OAS1: variants seen among roughly 807,000 people sequenced by gnomAD.
OAS1 encodes the protein 2'-5'-oligoadenylate synthase 1.
Under a neutral mutation model 38.5 loss-of-function variants are expected in OAS1, and 24 were observed. That is an observed-to-expected ratio of 0.62 (90% CI 0.45 to 0.88). The LOEUF (loss-of-function observed/expected upper bound fraction) is 0.88. Ranked by LOEUF, OAS1 falls within the 40% of genes least tolerant of loss-of-function variation. OAS1 has a pLI of 0.00. For synonymous variants in OAS1, 169 were observed against 193.9 expected (o/e 0.87, Z 1.07); for missense variants, 482 against 493.9 (o/e 0.98, Z 0.23).
Position 112,917,604 on chromosome 12 carries a change from G to A in OAS1, c.942G>A (p.Lys314=). The A allele has an allele frequency of 2.5e-6, 4 of 1,614,194 alleles. No individual in the cohort carries two copies. Among genetic ancestry groups the A allele is most frequent in the Non-Finnish European group, 3.4e-6 (4 of 1,180,034 alleles). The change falls in exon 5 of 6, where the codon AAG becomes AAA. Residue 314 remains lysine (K), a synonymous_variant. Transcript: ENST00000202917. Reference sequence around the variant, plus strand: ...GAAACTTGGGTGGTGGAGACCCAAAGGGTTGGAGGCAGCTGGCACAAGAGG... The same window carrying A: ...GAAACTTGGGTGGTGGAGACCCAAAAGGTTGGAGGCAGCTGGCACAAGAGG... The part of the protein sequence containing the change: ...PTGNLGGGDP[K]GWRQLAQEAE...
intron 2 of OAS1, 25 bp from the exon 3 acceptor site, chr12:112,911,026 T>C: frequency 6.2e-7 from 1 of 1,604,564 alleles, no homozygotes; most frequent in Non-Finnish European, 8.5e-7. Flanking sequence ...AGCTGACACC[T>C]AAGTTGTAGA....
chr12:112,915,854 G>A (rs193023488), intron 3 of OAS1, among the ~76,000 whole-genome samples: 67 of 152,028 alleles, frequency 4.4e-4, no homozygotes, highest in African/African-American at 1.4e-3. Context: ...GTCTGTGTTC[G>A]GTCTTTCAGC....
intron 5 of OAS1, 54 bp from the exon 6 acceptor site, chr12:112,919,335 C>A: frequency 1.3e-6 from 2 of 1,500,620 alleles, no homozygotes; most frequent in South Asian, 1.2e-5. Context: ...CTCACTGAAT[C>A]CAGCTGCAAT....
chr12:112,918,572 G>A (rs898254282), intron 5 of OAS1: 1 of 441,466 alleles, frequency 2.3e-6, no homozygotes, highest in Non-Finnish European at 4.6e-6. Flanking sequence ...CATGAGGCAT[G>A]TTTTCTATCA....
chr12:112,911,620 G>T (rs1417472723), intron 3 of OAS1, among the ~76,000 whole-genome samples: 1 of 152,148 alleles, frequency 6.6e-6, no homozygotes, highest in Non-Finnish European at 1.5e-5. Context: ...GTTAAAACAA[G>T]AGTTTCAAAC....
At chr12:112,910,862 TG>T (rs1201228074) in intron 2 of OAS1, among the ~76,000 whole-genome samples, 188 bp from the exon 3 acceptor site, 1 of 152,004 alleles carries the variant, frequency 6.6e-6, no homozygotes, top group Non-Finnish European at 1.5e-5. Flanking sequence ...GTGACGGTGG[TG>T]GCTTGGATGG....
Position 112,911,085 on chromosome 12 carries a change from A to G in OAS1, c.504A>G (p.Gln168=). 1 of 1,613,952 alleles carries G rather than the reference A, an allele frequency of 6.2e-7. No homozygotes were observed. Among genetic ancestry groups the G allele is most frequent in the East Asian group, 2.2e-5 (1 of 44,864 alleles). Residue 168 remains glutamine, a synonymous_variant, in exon 3 of 6, where the codon CAA becomes CAG. Coordinates refer to ENST00000202917, the MANE Select transcript of OAS1 (RefSeq NM_016816.4). ...QLTGGYKPNP[Q]IYVKLIEECT... is the part of the protein sequence containing the mutation. ...CTGGCGGCTATAAACCTAACCCCCA[A>G]ATCTATGTCAAGCTCATCGAGGAGT...
At chr12:112,926,473 G>C (rs2043558523) in intron 6 of OAS1, among the ~76,000 whole-genome samples, 1 of 152,172 alleles carries the variant, frequency 6.6e-6, no homozygotes, top group Admixed American at 6.5e-5. Flanking sequence ...TTTTAAAGCT[G>C]GGTGTCCAGG....
intron 6 of OAS1, among the ~76,000 whole-genome samples, chr12:112,925,185 T>C (rs2043550904): frequency 6.6e-6 from 1 of 152,174 alleles, no homozygotes; most frequent in Non-Finnish European, 1.5e-5. Flanking sequence ...GGTTGATGGG[T>C]GAACTCTGCA....
rs188227759 is a variant in OAS1 at position 112,930,738 on chromosome 12, G to C, written c.1168-1140G>C. ...ACAGAATAAATCTGAACAAAATCAG[G>C]GTTCATTTTAATAGCAACAGGCTGC... On this transcript the variant is annotated intron_variant, in intron 6 of 6. Coordinates refer to the OAS1 transcript ENST00000540589. Among the ~76,000 whole-genome samples the C allele has an allele frequency of 1.1e-3, 167 of 152,332 alleles. 1 individual carries two copies. Among genetic ancestry groups the C allele is most frequent in the Non-Finnish European group, 1.9e-3 (129 of 68,034 alleles).
chr12:112,925,810 A>G (rs961612656), intron 6 of OAS1, among the ~76,000 whole-genome samples: 6 of 152,220 alleles, frequency 3.9e-5, no homozygotes, highest in African/African-American at 1.4e-4. Flanking sequence ...AAATAAATAC[A>G]TAAATAAATT....
downstream of OAS1, among the ~76,000 whole-genome samples, chr12:112,920,445 A>G (rs1206592049): frequency 2.0e-5 from 3 of 152,206 alleles, no homozygotes; most frequent in African/African-American, 7.2e-5. Context: ...CTGAAATGAC[A>G]ATTTTTAAAT....
chr12:112,925,577 A>G (rs1295429940), intron 6 of OAS1, among the ~76,000 whole-genome samples: 1 of 152,202 alleles, frequency 6.6e-6, no homozygotes, highest in African/African-American at 2.4e-5. Context: ...GCTTGAGCCC[A>G]GGAGTTCAAG....
Position 112,908,955 on chromosome 12 carries a change from G to A in OAS1, c.469+131G>A, listed in dbSNP as rs186974774. The A allele has an allele frequency of 1.3e-4, 132 of 980,516 alleles. No individual in the cohort carries two copies. In the Admixed American group the frequency reaches 2.4e-3, roughly 18 times the overall value. 60.7% of individuals were successfully genotyped at this position (980,516 alleles called of 1,614,324 possible). A position where few individuals can be genotyped will look rare whatever the true frequency, so the allele number is the denominator to read the frequency against. On this transcript the variant is annotated intron_variant, in intron 2 of 5. Coordinates refer to ENST00000202917, the MANE Select transcript of OAS1 (RefSeq NM_016816.4). ...GGGAGGAGATCTTAGGATCTGTCCCGGGGCAAGAATGAATACGGTCATGAT... is the reference window on the plus strand; with the variant it reads ...GGGAGGAGATCTTAGGATCTGTCCCAGGGCAAGAATGAATACGGTCATGAT...
intron 5 of OAS1, chr12:112,918,599 G>A: frequency 2.2e-6 from 1 of 452,232 alleles, no homozygotes; most frequent in Non-Finnish European, 4.4e-6. Context: ...TCTTACAGAT[G>A]AGACAAAGGC....
chr12:112,914,723 G>A (rs1337617624), intron 3 of OAS1, among the ~76,000 whole-genome samples: 1 of 138,678 alleles, frequency 7.2e-6, no homozygotes, highest in Non-Finnish European at 1.5e-5. Context: ...TATGCTTGTT[G>A]GTATTTGTTT....
intron 6 of OAS1, among the ~76,000 whole-genome samples, chr12:112,925,287 C>G (rs1474393507): frequency 1.3e-5 from 2 of 151,986 alleles, no homozygotes; most frequent in Non-Finnish European, 2.9e-5. Flanking sequence ...TCTCCCACAC[C>G]CTCCCCCTTT....
intron 5 of OAS1, chr12:112,918,312 A>C: frequency 5.3e-6 from 1 of 187,830 alleles, no homozygotes; most frequent in East Asian, 1.5e-4. Flanking sequence ...CTCCAGCTGC[A>C]ACCATGATTT....
chr12:112,908,495 C>T, intron 1 of OAS1, 41 bp from the exon 2 acceptor site: 2 of 1,573,848 alleles, frequency 1.3e-6, no homozygotes, highest in Non-Finnish European at 1.7e-6. Context: ...GGGAGGTTTG[C>T]CTCACTAAGC....
Sources: allele counts gnomAD v4.1 joint callset (sites outside exome capture counted in the v4.1 genomes callset), GRCh38; gene constraint gnomAD v4.1.1; transcripts MANE v1.5; gene names NCBI Gene and HGNC (gene_info 2026-07-23, HGNC 2026-07-21).